ARID2: variants seen among roughly 807,000 people sequenced by gnomAD.
ARID2 encodes AT-rich interaction domain 2.
In ARID2, 32 loss-of-function variants were observed where a neutral mutation model predicts 184.6. The ratio of observed to expected loss-of-function variants is 0.17; its 90% CI spans 0.13 to 0.23. The LOEUF (loss-of-function observed/expected upper bound fraction) is 0.23, where lower values mean the gene tolerates loss of function less well. Among genes scored for constraint, ARID2 ranks in the 10% least tolerant of loss-of-function variants. The probability of loss-of-function intolerance (pLI) is 1.00; values close to 1 mark genes in which losing one functional copy is unlikely to be tolerated. For synonymous variants in ARID2, 836 were observed against 772.6 expected (o/e 1.08, Z -1.36); for missense variants, 1,696 against 2,197.6 (o/e 0.77, Z 4.56).
intron 3 of ARID2, among the ~76,000 whole-genome samples, chr12:45,811,163 C>T (rs959910671): frequency 1.3e-5 from 2 of 150,026 alleles, no homozygotes; most frequent in African/African-American, 2.5e-5. Flanking sequence ...GAGCTGAGAT[C>T]GCACCACTGC....
intron 16 of ARID2, among the ~76,000 whole-genome samples, chr12:45,864,444 A>G (rs1009993360): frequency 4.6e-5 from 7 of 151,788 alleles, no homozygotes; most frequent in African/African-American, 9.7e-5. Flanking sequence ...CCTCTGGTTG[A>G]TAAGTCTTAA....
At chr12:45,817,414 G>A (rs1942821649) in intron 4 of ARID2, among the ~76,000 whole-genome samples, 1 of 151,844 alleles carries the variant, frequency 6.6e-6, no homozygotes, top group Admixed American at 6.6e-5. Context: ...TTTTGGCAAT[G>A]ATGGCCAAAT....
intron 3 of ARID2, among the ~76,000 whole-genome samples, chr12:45,777,674 G>C (rs1942010974): frequency 1.3e-5 from 2 of 151,500 alleles, no homozygotes; most frequent in South Asian, 4.2e-4. Flanking sequence ...TATTCTTGCT[G>C]GTAAACTAAT....
chr12:45,856,740 A>G (rs1439527642), intron 15 of ARID2, among the ~76,000 whole-genome samples: 1 of 152,220 alleles, frequency 6.6e-6, no homozygotes, highest in Non-Finnish European at 1.5e-5. Context: ...AAAAAATAGC[A>G]ACAAGTAAAA....
chr12:45,820,062 A>G lies in ARID2; in HGVS notation c.638-1358A>G, dbSNP rs561035458. 3.0e-4 allele frequency among the ~76,000 whole-genome samples: 45 copies of G among 152,044 alleles called. 1 individual carries two copies. The South Asian group carries it at 8.5e-3, about 29-fold the overall frequency. ...CCCGGCCCCTAGGGAAGTTTTTTAT[A>G]AGGATTTTTCAGGACAAAGAAAACT... On this transcript the variant is annotated intron_variant, in intron 5 of 20. Transcript: ENST00000334344.
chr12:45,865,402 A>G (rs1444596907), intron 16 of ARID2, among the ~76,000 whole-genome samples: 6 of 152,142 alleles, frequency 3.9e-5, no homozygotes, highest in African/African-American at 1.4e-4. Context: ...CTTTTAAAGT[A>G]AACAGACAAA....
intron 4 of ARID2, among the ~76,000 whole-genome samples, chr12:45,813,826 G>A (rs1000242878): frequency 5.3e-5 from 8 of 152,062 alleles, no homozygotes; most frequent in African/African-American, 1.9e-4. Flanking sequence ...TAAGCTTTAA[G>A]ATTCTTCAAC....
intron 3 of ARID2, among the ~76,000 whole-genome samples, chr12:45,808,918 C>A (rs1044052736): frequency 4.6e-5 from 7 of 152,184 alleles, no homozygotes; most frequent in Non-Finnish European, 1.0e-4. Context: ...GCGTGCGCCA[C>A]CACATCCAGC....
chr12:45,854,087 C>T (rs947478667), intron 15 of ARID2, among the ~76,000 whole-genome samples: 2 of 152,106 alleles, frequency 1.3e-5, no homozygotes, highest in African/African-American at 4.8e-5. Context: ...GACCACAAGC[C>T]CTATCGTGAA....
intron 16 of ARID2, among the ~76,000 whole-genome samples, chr12:45,868,290 A>C (rs1397609318): frequency 1.3e-5 from 2 of 152,068 alleles, no homozygotes; most frequent in Non-Finnish European, 2.9e-5. Flanking sequence ...AAAATACAAA[A>C]ATTAGCTAGG....
Position 45,731,214 on chromosome 12 carries a change from C to T in ARID2, c.187-3C>T, listed in dbSNP as rs2137962539. 4 of 1,608,068 alleles carry T rather than the reference C, an allele frequency of 2.5e-6. No individual in the cohort carries two copies. The highest frequency in any genetic ancestry group is 2.6e-6 in the Non-Finnish European group (3 of 1,174,576). On this transcript the variant is annotated splice_polypyrimidine_tract_variant and splice_region_variant and intron_variant, in intron 2 of 20. Transcript: ENST00000334344. The stretch of plus-strand genomic sequence containing the variant: ...TCAGACAACTGTGCCTGTGTTTTAC[C>T]AGGTTTCTGAGAAGAATCAGTGGGG...
chr12:45,822,720 A>G (rs1565609244), intron 6 of ARID2, among the ~76,000 whole-genome samples: 1 of 152,202 alleles, frequency 6.6e-6, no homozygotes, highest in Non-Finnish European at 1.5e-5. Flanking sequence ...GTCACAGAAC[A>G]AAAAGAGACA....
Position 45,850,565 on chromosome 12 carries a change from A to G in ARID2, c.2442A>G (p.Thr814=), listed in dbSNP as rs1592119321. 2 of 1,614,122 alleles carry G rather than the reference A, an allele frequency of 1.2e-6. No individual in the cohort carries two copies. Among genetic ancestry groups the G allele is most frequent in the Non-Finnish European group, 1.7e-6 (2 of 1,180,010 alleles). ...RVQNIPACTS[T]VSQGQQLITT... is the part of the protein sequence containing the mutation. The stretch of plus-strand genomic sequence containing the variant: ...AGAACATACCAGCATGTACTTCTAC[A>G]GTTTCACAGGGTCAACAGTTAATCA... Residue 814 remains threonine, a synonymous_variant, in exon 15 of 21, where the codon ACA becomes ACG. Transcript: ENST00000334344.
intron 3 of ARID2, among the ~76,000 whole-genome samples, chr12:45,806,048 T>A (rs913806749): frequency 4.6e-5 from 7 of 152,316 alleles, no homozygotes; most frequent in Admixed American, 4.6e-4. Flanking sequence ...TTTCTGAGTC[T>A]GCATATCTGA....
chr12:45,729,982 C>T, intron 1 of ARID2, 54 bp downstream of exon 1: 7 of 1,606,442 alleles, frequency 4.4e-6, no homozygotes, highest in South Asian at 2.2e-5. Flanking sequence ...GAACGGGGCT[C>T]TCCCGCCCGG....
chr12:45,731,632 TA>T (rs1350117560), intron 3 of ARID2, among the ~76,000 whole-genome samples: 1 of 152,172 alleles, frequency 6.6e-6, no homozygotes, highest in East Asian at 1.9e-4. Context: ...TGATGCTTAG[TA>T]AAAGACTTAA....
In ARID2 at chr12:45,906,123, A is replaced by G; in HGVS notation, c.*1045A>G. On this transcript the variant is annotated 3_prime_UTR_variant, in exon 21 of 21. Coordinates refer to ENST00000334344, the MANE Select transcript of ARID2 (RefSeq NM_152641.4). ...TGTCGTGTACAAGCTCAGAGCTTGG[A>G]CAGAATTTTTTGTATTTGTAAATTG... 4.3e-6 allele frequency: 1 copy of G among 232,682 alleles called. No individual in the cohort carries two copies. Among genetic ancestry groups the G allele is most frequent in the East Asian group, 6.1e-5 (1 of 16,342 alleles). 14.4% of individuals were successfully genotyped at this position (232,682 alleles called of 1,614,324 possible).
intron 3 of ARID2, among the ~76,000 whole-genome samples, chr12:45,810,322 G>C (rs1942682083): frequency 6.6e-6 from 1 of 152,100 alleles, no homozygotes; most frequent in Non-Finnish European, 1.5e-5. Flanking sequence ...TTAATATTAA[G>C]ATTGATTATA....
chr12:45,821,442 A>G lies in ARID2; in HGVS notation c.660A>G (p.Val220=). ...TAGCTTTAGGATCCTTTTCCACTGT[A>G]TTTGGAGAAGAATGGAAAGAGAAGA... is the stretch of plus-strand genomic sequence containing the variant. ...FDDTLGSFST[V]FGEEWKEKTD... The change falls in exon 6 of 21, where the codon GTA becomes GTG. Residue 220 remains valine, a synonymous_variant. Coordinates refer to ENST00000334344, the MANE Select transcript of ARID2 (RefSeq NM_152641.4). 1 of 1,527,676 alleles carries G rather than the reference A, an allele frequency of 6.5e-7. No individual in the cohort carries two copies. Among genetic ancestry groups the G allele is most frequent in the South Asian group, 1.4e-5 (1 of 73,998 alleles). 94.6% of individuals were successfully genotyped at this position (1,527,676 alleles called of 1,614,324 possible). A position where few individuals can be genotyped will look rare whatever the true frequency, so the allele number is the denominator to read the frequency against.
Sources: gnomAD v4.1 joint callset for allele counts (sites outside exome capture counted in the v4.1 genomes callset) on GRCh38, gnomAD v4.1.1 for gene constraint, MANE v1.5 for transcripts, NCBI Gene and HGNC (gene_info 2026-07-23, HGNC 2026-07-21) for gene names.